The following DRD2 variants were observed in gnomAD, a reference collection of about 807,000 sequenced individuals.
DRD2 encodes the protein dopamine receptor D2.
Under a neutral mutation model 38.0 loss-of-function variants are expected in DRD2, and 8 were observed. The observed-to-expected ratio is 0.21, with a 90% CI of 0.12 to 0.38. DRD2 has a LOEUF of 0.38. DRD2 is among the 10% of genes least tolerant of loss of function. DRD2 has a pLI of 1.00. For synonymous variants in DRD2, 230 were observed against 238.6 expected (o/e 0.96, Z 0.33); for missense variants, 403 against 607.7 (o/e 0.66, Z 3.54).
intron 1 of DRD2, among the ~76,000 whole-genome samples, chr11:113,457,548 G>T (rs1289094666): frequency 6.6e-6 from 1 of 151,940 alleles, no homozygotes; most frequent in East Asian, 1.9e-4. Context: ...CCCAGGAACT[G>T]AGCTCCAGAA....
rs4986923 is a variant in DRD2 at position 113,424,592 on chromosome 11, C to T, written c.60G>A (p.Arg20=). Residue 20 remains arginine, a synonymous_variant, in exon 2 of 8, where the codon CGG becomes CGA. Transcript: ENST00000362072. ...DDDLERQNWS[R]PFNGSDGKAD... is the part of the protein sequence containing the mutation. ...CCTTCCCGTCTGACCCGTTGAAGGG[C>T]CGGCTCCAGTTCTGCCTCTCCAGAT... The T allele has an allele frequency of 2.0e-3, 3,276 of 1,614,182 alleles. 57 individuals carry two copies. The African/African-American group carries it at 0.037, about 18-fold the overall frequency.
At chr11:113,444,598 C>A (rs1362856173) in intron 1 of DRD2, among the ~76,000 whole-genome samples, 1 of 152,236 alleles carries the variant, frequency 6.6e-6, no homozygotes, top group Non-Finnish European at 1.5e-5. Flanking sequence ...ACATGGCTTA[C>A]ACATCCACAA....
At chr11:113,413,167 A>T (rs1452896467) in intron 6 of DRD2, among the ~76,000 whole-genome samples, 6 of 152,144 alleles carry the variant, frequency 3.9e-5, no homozygotes, top group Admixed American at 3.9e-4. Flanking sequence ...TCATGGCCTG[A>T]GCAACACTTA....
At chr11:113,418,183 A>T in intron 2 of DRD2, 47 bp from the exon 3 acceptor site, 1 of 1,512,796 alleles carries the variant, frequency 6.6e-7, no homozygotes, top group South Asian at 1.1e-5. Flanking sequence ...GTGGGAGATT[A>T]GCTTAGGTCC....
intron 1 of DRD2, among the ~76,000 whole-genome samples, chr11:113,456,746 G>C (rs7122454): frequency 0.17 from 25,337 of 152,088 alleles, 2,468 homozygotes; most frequent in East Asian, 0.4. Flanking sequence ...GCTGCAGAGA[G>C]AGTAACATGG....
At chr11:113,452,469 T>TGTGTGTGTGTGTGTGCGCGC in intron 1 of DRD2, among the ~76,000 whole-genome samples, 1 of 118,836 alleles carries the variant, frequency 8.4e-6, no homozygotes, top group African/African-American at 3.6e-5. Context: ...TGTGTGTGTG[T>TGTGTGTGTGTGTGTGCGCGC]GCGCGCGCGC....
chr11:113,412,789 T>G lies in DRD2; in HGVS notation c.905A>C (p.His302Pro), dbSNP rs1591272542. Residue 302 changes from histidine to proline, a missense_variant, in exon 7 of 8, where the codon CAC (histidine) becomes CCC (proline). Transcript: ENST00000362072. ...RTRYSPIPPS[H>P]HQLTLPDPSH... ...CGGGTCGGGGAGAGTCAGCTGGTGGTGGCTGGGTGGGATGGGGCTGTACCG... is the reference window on the plus strand; with the variant it reads ...CGGGTCGGGGAGAGTCAGCTGGTGGGGGCTGGGTGGGATGGGGCTGTACCG... The G allele has an allele frequency of 6.2e-7, 1 of 1,613,192 alleles. No homozygotes were observed.
At position 113,424,487 on chromosome 11, in the gene DRD2, C is replaced by T. The variant is rs376236416; in HGVS notation, c.165G>A (p.Val55=). The T allele has an allele frequency of 7.4e-6, 12 of 1,614,116 alleles. No individual in the cohort carries two copies. In the Admixed American group the frequency reaches 8.3e-5, roughly 11 times the overall value. ...IAVIVFGNVL[V]CMAVSREKAL... is the part of the protein sequence containing the mutation. ...CCTTCTCGCGGGACACAGCCATGCA[C>T]ACCAGCACGTTGCCGAAGACGATGA... Residue 55 remains valine (V), a synonymous_variant, in exon 2 of 8, where the codon GTG becomes GTA. Coordinates refer to ENST00000362072, the MANE Select transcript of DRD2 (RefSeq NM_000795.4).
intron 3 of DRD2, among the ~76,000 whole-genome samples, chr11:113,417,775 C>T (rs1950841003): frequency 6.6e-6 from 1 of 152,330 alleles, no homozygotes; most frequent in Middle Eastern, 3.4e-3. Flanking sequence ...AATCTTTCCC[C>T]TTTTGTACCA....
chr11:113,434,707 C>T (rs983311043), intron 1 of DRD2, among the ~76,000 whole-genome samples: 1 of 152,180 alleles, frequency 6.6e-6, no homozygotes, highest in Non-Finnish European at 1.5e-5. Flanking sequence ...TTCTGGAAGG[C>T]CCAGGGCTTC....
chr11:113,417,062 G>A, intron 3 of DRD2, 63 bp from the exon 4 acceptor site: 3 of 1,588,728 alleles, frequency 1.9e-6, no homozygotes, highest in Non-Finnish European at 2.6e-6. Flanking sequence ...TCCACAATAT[G>A]CACACACCAG....
At chr11:113,425,607 G>A (rs570939650) in intron 1 of DRD2, among the ~76,000 whole-genome samples, 1 of 152,294 alleles carries the variant, frequency 6.6e-6, no homozygotes, top group Admixed American at 6.5e-5. Flanking sequence ...GGAGAGGAGG[G>A]GCCCAGAGTG....
At chr11:113,446,279 A>T (rs1454175857) in intron 1 of DRD2, among the ~76,000 whole-genome samples, 3 of 152,130 alleles carry the variant, frequency 2.0e-5, no homozygotes, top group Non-Finnish European at 2.9e-5. Context: ...CCTTAGAGTC[A>T]CGTCTGCTGA....
chr11:113,410,859 G>C lies in DRD2; in HGVS notation c.1200C>G (p.Asp400Glu). Reference protein sequence around the residue: ...FITHILNIHCDCNIPPVLYSA... With the variant: ...FITHILNIHCECNIPPVLYSA... ...TGTACAGGACAGGCGGGATGTTGCA[G>C]TCACAGTGTATGTTCAGGATGTGTG... Residue 400 changes from aspartate to glutamate, a missense_variant, in exon 8 of 8, where the codon GAC becomes GAG. Asp to Glu is a conservative substitution (Grantham distance 45). This residue lies in a region of DRD2 where 67 missense variants were observed against 136.1 expected (regional missense o/e 0.49). Coordinates refer to ENST00000362072, the MANE Select transcript of DRD2 (RefSeq NM_000795.4). 1 of 1,614,152 alleles carries C rather than the reference G, an allele frequency of 6.2e-7. No individual in the cohort carries two copies. Among genetic ancestry groups the C allele is most frequent in the Non-Finnish European group, 8.5e-7 (1 of 1,180,000 alleles).
chr11:113,466,530 C>T (rs1951371240), intron 1 of DRD2, among the ~76,000 whole-genome samples: 1 of 152,198 alleles, frequency 6.6e-6, no homozygotes, highest in East Asian at 1.9e-4. Context: ...AAATTTCCAT[C>T]CAACCTATAA....
chr11:113,465,450 G>A (rs11601054), intron 1 of DRD2, among the ~76,000 whole-genome samples: 40,498 of 150,324 alleles, frequency 0.27, 6,451 homozygotes, highest in Middle Eastern at 0.4. Context: ...TTGTTTTACT[G>A]CAAATTGAAT....
intron 1 of DRD2, among the ~76,000 whole-genome samples, chr11:113,459,344 C>T (rs1411684488): frequency 2.0e-5 from 3 of 152,164 alleles, no homozygotes. Context: ...CAATGCAGCT[C>T]TGGATGGACA....
chr11:113,410,380 A>C lies in DRD2; in HGVS notation c.*347T>G. On this transcript the variant is annotated 3_prime_UTR_variant, in exon 8 of 8. Transcript: ENST00000362072. ...AAACTCAGCCTCTGGGCCCTGACTC[A>C]GGCTCCAGCAACCCTAGAGCCCCAG... The C allele has an allele frequency of 6.5e-6, 3 of 459,646 alleles. No homozygotes were observed. In the South Asian group the frequency reaches 7.1e-5, roughly 11 times the overall value. The allele number at this position is 459,646 out of a possible 1,614,324, so 28.5% of individuals were successfully genotyped here. A position where few individuals can be genotyped will look rare whatever the true frequency, so the allele number is the denominator to read the frequency against.
At chr11:113,439,540 T>C (rs1951067201) in intron 1 of DRD2, among the ~76,000 whole-genome samples, 1 of 151,854 alleles carries the variant, frequency 6.6e-6, no homozygotes, top group South Asian at 2.1e-4. Context: ...ATTTTACAGA[T>C]TAAAAAACTA....
Sources: gnomAD v4.1 joint callset for allele counts (sites outside exome capture counted in the v4.1 genomes callset) on GRCh38, gnomAD v4.1.1 for gene constraint, gnomAD v4.1.1 regional missense constraint, MANE v1.5 for transcripts, NCBI Gene and HGNC (gene_info 2026-07-23, HGNC 2026-07-21) for gene names.